Variants in LRGUK observed in about 807,000 individuals in gnomAD.
The protein encoded by LRGUK is leucine-rich repeat and guanylate kinase domain-containing protein.
LRGUK carries 65 observed loss-of-function variants against 76.0 expected under a neutral mutation model. The ratio of observed to expected loss-of-function variants is 0.85; its 90% CI spans 0.70 to 1.05. The LOEUF (loss-of-function observed/expected upper bound fraction) is 1.05. Ranked by LOEUF, LRGUK falls within the 50% of genes least tolerant of loss-of-function variation. The probability of loss-of-function intolerance (pLI) is 0.00; values close to 1 mark genes in which losing one functional copy is unlikely to be tolerated. For synonymous variants in LRGUK, 268 were observed against 265.6 expected (o/e 1.01, Z -0.09); for missense variants, 758 against 732.8 (o/e 1.03, Z -0.40).
chr7:134,199,528 G>A (rs1800661331), intron 14 of LRGUK, 107 bp downstream of exon 14: 6 of 955,962 alleles, frequency 6.3e-6, no homozygotes, highest in Admixed American at 2.3e-5. Flanking sequence ...TTCTTGTAAC[G>A]GTGAATCACA....
chr7:134,215,281 G>A (rs1236488768), intron 15 of LRGUK, among the ~76,000 whole-genome samples: 1 of 150,920 alleles, frequency 6.6e-6, no homozygotes, highest in African/African-American at 2.4e-5. Context: ...TATTTTCTAT[G>A]GCGCTGAATT....
intron 6 of LRGUK, among the ~76,000 whole-genome samples, chr7:134,160,922 G>A (rs1798700593): frequency 6.6e-6 from 1 of 152,182 alleles, no homozygotes; most frequent in South Asian, 2.1e-4. Flanking sequence ...TTCAGCATTG[G>A]ATGAAGAGTT....
intron 16 of LRGUK, among the ~76,000 whole-genome samples, chr7:134,246,004 T>C (rs1172870122): frequency 1.3e-5 from 2 of 152,164 alleles, no homozygotes; most frequent in East Asian, 1.9e-4. Context: ...CTTGTTTACA[T>C]AGAAACACAG....
intron 3 of LRGUK, 118 bp downstream of exon 3, chr7:134,139,635 T>TGTAA: frequency 4.7e-6 from 3 of 632,874 alleles, no homozygotes; most frequent in Non-Finnish European, 5.2e-6. Context: ...TCAATTTACA[T>TGTAA]ATTGATCCTT....
At position 134,189,100 on chromosome 7, in the gene LRGUK, C is replaced by A. The variant is rs554964382; in HGVS notation, c.1335-2555C>A. ...AGTGACACCTGGCCATGAATTGGCA[C>A]CCTTAGACTTTTAGGACCAGAGTTG... On this transcript the variant is annotated intron_variant, in intron 11 of 15. Coordinates refer to ENST00000645682, the Ensembl canonical transcript of LRGUK. 1.2e-3 allele frequency among the ~76,000 whole-genome samples: 178 copies of A among 152,266 alleles called. 2 individuals carry two copies. Among genetic ancestry groups the A allele is most frequent in the Non-Finnish European group, 7.8e-4 (53 of 68,014 alleles).
intron 16 of LRGUK, among the ~76,000 whole-genome samples, chr7:134,240,600 G>A (rs1281923225): frequency 6.6e-6 from 1 of 152,206 alleles, no homozygotes; most frequent in Non-Finnish European, 1.5e-5. Context: ...AAGTGACTGG[G>A]AGAATGGAAC....
rs910692967 is a variant in LRGUK, at chr7:134,127,725, G to A, written c.297+61G>A. 14 of 1,524,096 alleles carry A rather than the reference G, an allele frequency of 9.2e-6. No individual in the cohort carries two copies. In the African/African-American group the frequency reaches 1.5e-4, roughly 17 times the overall value. The allele number at this position is 1,524,096 out of a possible 1,614,324, so 94.4% of individuals were successfully genotyped here. A position where few individuals can be genotyped will look rare whatever the true frequency, so the allele number is the denominator to read the frequency against. ...CCTCGTCCAGCCCTGTTACTTCAGC[G>A]GCAGCTCCCCGATGCACCCCCACCA... On this transcript the variant is annotated intron_variant, in intron 1 of 15. Transcript: ENST00000645682.
At chr7:134,264,286 G>A in exon 20 of LRGUK, 1 of 201,798 alleles carries the variant, frequency 5.0e-6, no homozygotes, top group Non-Finnish European at 9.7e-6. Flanking sequence ...TTTTCCACCT[G>A]CTCCCTGCTC....
chr7:134,225,761 A>G (rs1383979356), intron 16 of LRGUK, among the ~76,000 whole-genome samples: 1 of 152,194 alleles, frequency 6.6e-6, no homozygotes, highest in East Asian at 1.9e-4. Flanking sequence ...ACATTTTAGG[A>G]GATCTCATAG....
intron 15 of LRGUK, among the ~76,000 whole-genome samples, chr7:134,215,542 A>G (rs1801414010): frequency 1.3e-5 from 2 of 152,088 alleles, no homozygotes; most frequent in East Asian, 1.9e-4. Context: ...TTCTTTGTCA[A>G]TGTGGGGGCT....
chr7:134,212,906 TTTG>T (rs1801327544), downstream of LRGUK, among the ~76,000 whole-genome samples: 1 of 152,184 alleles, frequency 6.6e-6, no homozygotes, highest in Non-Finnish European at 1.5e-5. Flanking sequence ...GGAAAATCCA[TTTG>T]TTAACTTTTC....
At chr7:134,130,826 G>A (rs1225505347) in intron 1 of LRGUK, among the ~76,000 whole-genome samples, 1 of 152,146 alleles carries the variant, frequency 6.6e-6, no homozygotes, top group Non-Finnish European at 1.5e-5. Flanking sequence ...TTGTGTTTGA[G>A]GCTTGATTTA....
At chr7:134,163,592 A>G (rs1258520324) in intron 7 of LRGUK, 52 bp downstream of exon 7, 5 of 1,523,238 alleles carry the variant, frequency 3.3e-6, no homozygotes, top group African/African-American at 1.4e-5. Context: ...AAGAGGACAT[A>G]TTAGAGACTT....
At chr7:134,200,638 G>A (rs1161236222) in intron 14 of LRGUK, among the ~76,000 whole-genome samples, 1 of 152,122 alleles carries the variant, frequency 6.6e-6, no homozygotes, top group Non-Finnish European at 1.5e-5. Flanking sequence ...TGAAATTGTT[G>A]ATATTCAACT....
At position 134,235,150 on chromosome 7, in the gene LRGUK, A is replaced by C. The variant is rs150801852; in HGVS notation, c.1984-12406A>C. On this transcript the variant is annotated intron_variant, in intron 16 of 19. Coordinates refer to the LRGUK transcript ENST00000285928. ...AATTGCAAACCTAGGTCAGATCATG[A>C]GCCCCCTCTGCTCAAATACCTGCAA... Among the ~76,000 whole-genome samples, 52 of 152,324 alleles carry C rather than the reference A, an allele frequency of 3.4e-4. No homozygotes were observed. The East Asian group carries it at 9.8e-3, about 29-fold the overall frequency.
intron 16 of LRGUK, among the ~76,000 whole-genome samples, chr7:134,235,954 C>A (rs1802003678): frequency 6.6e-6 from 1 of 152,126 alleles, no homozygotes; most frequent in Non-Finnish European, 1.5e-5. Context: ...AATGCTAGAA[C>A]AAATGTTATC....
Position 134,209,575 on chromosome 7 carries a change from TC to T in LRGUK, c.2716del (p.Leu906SerfsTer19), listed in dbSNP as rs1473515863. On this transcript the variant is annotated frameshift_variant, in exon 16 of 16. Coordinates refer to ENST00000645682, the Ensembl canonical transcript of LRGUK. LOFTEE classifies it low-confidence loss of function (END_TRUNC). ...GGCTGCCCCAGCCTCAGGTGCTGGC[TC>T]CCCTCCAGAGCAGGAGGCCCACACC... 2.5e-6 allele frequency: 1 copy of T among 398,520 alleles called. No individual in the cohort carries two copies. The highest frequency in any genetic ancestry group is 2.1e-5 in the African/African-American group (1 of 48,364). 24.7% of individuals were successfully genotyped at this position (398,520 alleles called of 1,614,324 possible). A position where few individuals can be genotyped will look rare whatever the true frequency, so the allele number is the denominator to read the frequency against.
chr7:134,152,478 T>C (rs575243960), intron 5 of LRGUK, among the ~76,000 whole-genome samples: 15 of 152,020 alleles, frequency 9.9e-5, no homozygotes, highest in African/African-American at 3.6e-4. Context: ...CAAATAAACA[T>C]ACGAAGAGAT....
exon 12 of LRGUK, chr7:134,191,710 C>T: frequency 6.2e-7 from 1 of 1,612,978 alleles, no homozygotes; most frequent in Non-Finnish European, 8.5e-7. Flanking sequence ...AGTTGATTAT[C>T]ATTTTATCTC....
Sources: gnomAD v4.1 joint callset for allele counts (sites outside exome capture counted in the v4.1 genomes callset) on GRCh38, gnomAD v4.1.1 for gene constraint, MANE v1.5 for transcripts, NCBI Gene and HGNC (gene_info 2026-07-23, HGNC 2026-07-21) for gene names.